The following BSN variants were observed in gnomAD, a reference collection of about 807,000 sequenced individuals.
The protein encoded by BSN is protein bassoon.
A neutral mutation model predicts 264.8 loss-of-function variants in BSN; 57 were observed. The ratio of observed to expected loss-of-function variants is 0.22; its 90% CI spans 0.17 to 0.27. The LOEUF is 0.27. Among genes scored for constraint, BSN ranks in the 10% least tolerant of loss-of-function variants. BSN has a pLI of 1.00. For synonymous variants in BSN, 2,059 were observed against 2,137.3 expected, an observed-to-expected ratio of 0.96 and a Z score of 1.01; for missense variants, 4,615 against 5,232.5, an observed-to-expected ratio of 0.88 and a Z score of 3.64.
intron 1 of BSN, among the ~76,000 whole-genome samples, chr3:49,582,746 A>G (rs1190018944): frequency 6.6e-6 from 1 of 152,064 alleles, no homozygotes; most frequent in Admixed American, 6.6e-5. Context: ...GAAAGCTTCT[A>G]ATTTTTCACT....
rs2052198668 is a variant in BSN, at chr3:49,610,585, A to AAAAC, written c.225-14387_225-14386insCAAA. Among the ~76,000 whole-genome samples, 2 of 12,460 alleles carry AAAAC rather than the reference A, an allele frequency of 1.6e-4. 1 individual carries two copies. Among genetic ancestry groups the AAAAC allele is most frequent in the South Asian group, 0.016 (2 of 126 alleles). The allele number at this position is 12,460 out of a possible 152,430, so 8.2% of individuals were successfully genotyped here. ...GGCAACAAGAGCGAAATTTCATCTC[A>AAAAC]AAAAAAAAAAAAAAAAAAAAACAAG... On this transcript the variant is annotated intron_variant, in intron 1 of 11. Coordinates refer to ENST00000296452, the MANE Select transcript of BSN (RefSeq NM_003458.4).
At chr3:49,568,777 G>A (rs2051773426) in intron 1 of BSN, among the ~76,000 whole-genome samples, 1 of 152,216 alleles carries the variant, frequency 6.6e-6, no homozygotes, top group South Asian at 2.1e-4. Context: ...GTGGCATTTT[G>A]TAATTTTACC....
At chr3:49,554,868 C>T (rs2051652761) in intron 1 of BSN, 42 bp downstream of exon 1, 2 of 1,148,356 alleles carry the variant, frequency 1.7e-6, no homozygotes, top group African/African-American at 3.2e-5. Flanking sequence ...TGAGCTGCAG[C>T]CTGAGGCCGG....
Position 49,661,046 on chromosome 3 carries a change from T to C in BSN, c.9201T>C (p.Ser3067=). ...QPPAPQYSAG[S]GGPTQNGFPA... ...CAGCCCCACAGTATTCTGCAGGCAG[T>C]GGTGGGCCAACTCAGAACGGATTCC... is the stretch of plus-strand genomic sequence containing the variant. The change falls in exon 6 of 12, where the codon AGT becomes AGC. Residue 3067 remains serine, a synonymous_variant. Transcript: ENST00000296452. 1 of 1,611,654 alleles carries C rather than the reference T, an allele frequency of 6.2e-7. No homozygotes were observed. Among genetic ancestry groups the C allele is most frequent in the Non-Finnish European group, 8.5e-7 (1 of 1,179,854 alleles).
intron 10 of BSN, 36 bp downstream of exon 10, chr3:49,664,889 G>A: frequency 7.9e-7 from 1 of 1,263,074 alleles, no homozygotes; most frequent in South Asian, 1.2e-5. Context: ...CCTCTTCTGG[G>A]AAAGGCCCGA....
intron 2 of BSN, among the ~76,000 whole-genome samples, chr3:49,628,029 G>A (rs982446662): frequency 1.3e-5 from 2 of 152,182 alleles, no homozygotes; most frequent in Non-Finnish European, 2.9e-5. Context: ...GGCAGGATGC[G>A]TTGTTCCTCA....
chr3:49,641,934 C>T (rs557809334), intron 2 of BSN, among the ~76,000 whole-genome samples: 71 of 145,294 alleles, frequency 4.9e-4, no homozygotes, highest in African/African-American at 1.6e-3. Flanking sequence ...TTCATCCGAG[C>T]GGGAGGTTGG....
chr3:49,651,597 A>G lies in BSN; in HGVS notation c.2041A>G (p.Ser681Gly). 6.2e-7 allele frequency: 1 copy of G among 1,612,548 alleles called. No homozygotes were observed. Among genetic ancestry groups the G allele is most frequent in the Non-Finnish European group, 8.5e-7 (1 of 1,179,136 alleles). The change falls in exon 5 of 12, where the codon AGT becomes GGT. Residue 681 changes from serine to glycine, a missense_variant. This residue lies in a region of BSN where 1,197 missense variants were observed against 1,348.0 expected (regional missense o/e 0.89). Transcript: ENST00000296452. The surrounding 1 kb of genome is among the most constrained non-coding windows in gnomAD (Gnocchi z 5.4). ...TGCGTCTCGGAGCCCACAGAGCCTC[A>G]GTGACACAGGCTATTCCTCTGACGG... ...QDASRSPQSLSDTGYSSDGIS... is the reference protein window; with the variant it reads ...QDASRSPQSLGDTGYSSDGIS...
chr3:49,617,283 T>TTATA (rs6147817), intron 1 of BSN, among the ~76,000 whole-genome samples: 1,692 of 121,488 alleles, frequency 0.014, 11 homozygotes, highest in Middle Eastern at 0.039. Context: ...ATAAAATACA[T>TTATA]TATATATATA....
In BSN at chr3:49,655,008, A is replaced by G. The variant is rs1310681414; in HGVS notation, c.5452A>G (p.Ile1818Val). The change falls in exon 5 of 12, where the codon ATC becomes GTC. Residue 1818 changes from isoleucine (I) to valine (V), a missense_variant. Transcript: ENST00000296452. ...VAPLARRDVL[I>V]TQMGTAQSIG... The stretch of plus-strand genomic sequence containing the variant: ...TCCTCTGGCCAGAAGAGACGTTTTG[A>G]TCACTCAGATGGGCACCGCCCAGAG... 6.2e-7 allele frequency: 1 copy of G among 1,613,278 alleles called. No individual in the cohort carries two copies. Among genetic ancestry groups the G allele is most frequent in the Non-Finnish European group, 8.5e-7 (1 of 1,180,006 alleles).
chr3:49,605,436 T>C, intron 1 of BSN, among the ~76,000 whole-genome samples: 1 of 30,414 alleles, frequency 3.3e-5, no homozygotes, highest in Non-Finnish European at 5.2e-5. Flanking sequence ...ATATAATATA[T>C]ATTATATATA....
intron 1 of BSN, among the ~76,000 whole-genome samples, chr3:49,559,539 T>C (rs1399926069): frequency 2.0e-5 from 3 of 152,224 alleles, no homozygotes; most frequent in Admixed American, 6.5e-5. Context: ...TCAGCAAATA[T>C]TCAGTCAGGA....
At chr3:49,640,211 C>T (rs1371413258) in intron 2 of BSN, among the ~76,000 whole-genome samples, 3 of 152,216 alleles carry the variant, frequency 2.0e-5, no homozygotes, top group Non-Finnish European at 4.4e-5. Flanking sequence ...GGAGACTCTT[C>T]ATTGAGGCAC....
intron 2 of BSN, among the ~76,000 whole-genome samples, chr3:49,629,264 TG>T (rs1225135979): frequency 2.0e-5 from 3 of 152,252 alleles, no homozygotes; most frequent in Admixed American, 6.5e-5. Flanking sequence ...TGCTCAGGCC[TG>T]CTAGTCCACC....
intron 1 of BSN, among the ~76,000 whole-genome samples, chr3:49,592,659 G>C (rs1044721871): frequency 2.4e-4 from 36 of 151,308 alleles, no homozygotes; most frequent in African/African-American, 8.7e-4. Context: ...GCTGAGGCAG[G>C]AGAATGGTGT....
rs1559605398 is a variant in BSN at position 49,613,299 on chromosome 3, AGAG to A, written c.225-11675_225-11673del. 1.3e-3 allele frequency among the ~76,000 whole-genome samples: 142 copies of A among 107,044 alleles called. 1 individual carries two copies. The highest frequency in any genetic ancestry group is 4.8e-3 in the African/African-American group (135 of 28,014). 70.2% of individuals were successfully genotyped at this position (107,044 alleles called of 152,430 possible). ...TTTATATATATATATATACACACAC[AGAG>A]CGAGAGAGAGAGAGAGAGAGAGAGA... On this transcript the variant is annotated intron_variant, in intron 1 of 11. Coordinates refer to ENST00000296452, the MANE Select transcript of BSN (RefSeq NM_003458.4).
At chr3:49,618,619 G>A (rs955459876) in intron 1 of BSN, among the ~76,000 whole-genome samples, 2 of 152,220 alleles carry the variant, frequency 1.3e-5, no homozygotes, top group South Asian at 2.1e-4. Flanking sequence ...AATGACTTAC[G>A]TCTTCCAAGC....
Position 49,662,405 on chromosome 3 carries a change from C to T in BSN, c.10560C>T (p.Pro3520=). ...GGAGGCCCCGCCCTGCCGGAGGGCC[C>T]CTCCCTCCCGGCGGGGATACCTGCC... ...PLGRPRPAGG[P]LPPGGDTCPQ... The change falls in exon 6 of 12, where the codon CCC becomes CCT. Residue 3520 remains proline (P), a synonymous_variant. Coordinates refer to ENST00000296452, the MANE Select transcript of BSN (RefSeq NM_003458.4). 1.9e-6 allele frequency: 3 copies of T among 1,613,550 alleles called. No individual in the cohort carries two copies. Among genetic ancestry groups the T allele is most frequent in the Non-Finnish European group, 2.5e-6 (3 of 1,180,000 alleles).
intron 2 of BSN, chr3:49,641,482 C>T (rs1385187061): frequency 6.6e-6 from 1 of 152,160 alleles, no homozygotes; most frequent in Non-Finnish European, 1.5e-5. Flanking sequence ...CAGAGGGAAA[C>T]TATGTGTTTA....
Sources: allele counts gnomAD v4.1 joint callset (sites outside exome capture counted in the v4.1 genomes callset), GRCh38; gene constraint gnomAD v4.1.1; regional missense constraint gnomAD v4.1.1; non-coding constraint Gnocchi (gnomAD v3.1); transcripts MANE v1.5; gene names NCBI Gene and HGNC (gene_info 2026-07-23, HGNC 2026-07-21).